Variants in DROSHA observed in about 807,000 individuals in gnomAD.
The protein encoded by DROSHA is ribonuclease 3.
A neutral mutation model predicts 181.9 loss-of-function variants in DROSHA; 56 were observed. The observed-to-expected ratio is 0.31, with a 90% confidence interval of 0.25 to 0.38. DROSHA has a LOEUF of 0.38. DROSHA is among the 10% of genes least tolerant of loss of function. DROSHA has a pLI of 1.00. For synonymous variants in DROSHA, 524 were observed against 591.2 expected (o/e 0.89, Z 1.65); for missense variants, 1,218 against 1,743.5 (o/e 0.70, Z 5.37).
chr5:31,498,812 A>G (rs1217605531), intron 11 of DROSHA, among the ~76,000 whole-genome samples: 1 of 151,934 alleles, frequency 6.6e-6, no homozygotes, highest in Admixed American at 6.6e-5. Context: ...AGCCGAAATC[A>G]CACCATTTCA....
chr5:31,454,194 C>G (rs1214210253), intron 20 of DROSHA, among the ~76,000 whole-genome samples: 1 of 152,184 alleles, frequency 6.6e-6, no homozygotes, highest in Non-Finnish European at 1.5e-5. Flanking sequence ...TCTGCCGAAT[C>G]TAATTCACTG....
At position 31,526,418 on chromosome 5, in the gene DROSHA, T is replaced by C. The variant is rs1740575185; in HGVS notation, c.515A>G (p.Tyr172Cys). 6.2e-7 allele frequency: 1 copy of C among 1,610,976 alleles called. No homozygotes were observed. The highest frequency in any genetic ancestry group is 8.5e-7 in the Non-Finnish European group (1 of 1,179,582). ...GGGAGGTGGGAAGTTGTGGTGAGAA[T>C]AGCCCGGAGGGTACTGATAATTAAC... ...QQVNYQYPPG[Y>C]SHHNFPPPSF... The change falls in exon 5 of 36, where the codon TAT becomes TGT. Residue 172 changes from tyrosine (Y) to cysteine (C), a missense_variant. Tyr to Cys is a radical substitution (Grantham distance 194, BLOSUM62 -2). Around this residue, in one of 8 missense-constraint regions of DROSHA, gnomAD observed 536 missense variants for 535.4 expected, o/e 1.00. Coordinates refer to ENST00000344624, the MANE Select transcript of DROSHA (RefSeq NM_001382508.1).
intron 15 of DROSHA, among the ~76,000 whole-genome samples, 168 bp from the exon 16 acceptor site, chr5:31,483,796 A>G (rs921095405): frequency 1.9e-4 from 29 of 152,180 alleles, no homozygotes; most frequent in African/African-American, 6.5e-4. Context: ...GGCTAAATCA[A>G]TCATTGGTAA....
chr5:31,510,367 G>T (rs1441613736), intron 9 of DROSHA, among the ~76,000 whole-genome samples: 2 of 152,194 alleles, frequency 1.3e-5, no homozygotes, highest in Non-Finnish European at 2.9e-5. Context: ...AGGTGTCTTT[G>T]CCCAGTATGG....
chr5:31,514,494 A>G lies in DROSHA; in HGVS notation c.1290+494T>C, dbSNP rs1044644277. On this transcript the variant is annotated intron_variant, in intron 8 of 35. Transcript: ENST00000344624. This position sits in a 1 kb window ranked among gnomAD's most constrained non-coding sequence, Gnocchi z 4.4. Reference sequence around the variant, plus strand: ...CATCTCTACTAAAAAATAAAAAAAAATTAGCCAGTCATGGTGGCACGTGCC... The same window carrying G: ...CATCTCTACTAAAAAATAAAAAAAAGTTAGCCAGTCATGGTGGCACGTGCC... Among the ~76,000 whole-genome samples, 1 of 152,014 alleles carries G rather than the reference A, an allele frequency of 6.6e-6. No individual in the cohort carries two copies. The highest frequency in any genetic ancestry group is 1.5e-5 in the Non-Finnish European group (1 of 67,998).
chr5:31,468,034 C>G lies in DROSHA; in HGVS notation c.2271G>C (p.Leu757=). 1.2e-6 allele frequency: 2 copies of G among 1,611,386 alleles called. No homozygotes were observed. The highest frequency in any genetic ancestry group is 1.7e-6 in the Non-Finnish European group (2 of 1,178,702). ...TKPSSVRIDQ[L]DREQFNPDVI... is the part of the protein sequence containing the mutation. ...CATCGGGGTTGAACTGTTCACGATC[C>G]AGTTGATCGATACGGACAGAGCTTG... Residue 757 remains leucine, a synonymous_variant, in exon 18 of 36, where the codon CTG becomes CTC. Coordinates refer to ENST00000344624, the MANE Select transcript of DROSHA (RefSeq NM_001382508.1).
chr5:31,419,728 G>A (rs1416722683), intron 30 of DROSHA, among the ~76,000 whole-genome samples: 9 of 152,106 alleles, frequency 5.9e-5, no homozygotes, highest in Non-Finnish European at 1.3e-4. Flanking sequence ...CCTCTATAGG[G>A]CCCTAAGATG....
intron 11 of DROSHA, among the ~76,000 whole-genome samples, chr5:31,498,077 G>C (rs1041590713): frequency 1.4e-4 from 21 of 152,140 alleles, no homozygotes; most frequent in Non-Finnish European, 2.5e-4. Context: ...TCTTGTAAGG[G>C]GAAACTTTGT....
chr5:31,517,220 C>T (rs1739361618), intron 6 of DROSHA, among the ~76,000 whole-genome samples: 1 of 152,138 alleles, frequency 6.6e-6, no homozygotes, highest in Non-Finnish European at 1.5e-5. Flanking sequence ...TTGGTTGAAA[C>T]AGTTTTCATT....
At chr5:31,406,273 T>C (rs1740640870) in intron 34 of DROSHA, among the ~76,000 whole-genome samples, 1 of 152,010 alleles carries the variant, frequency 6.6e-6, no homozygotes, top group Admixed American at 6.5e-5. Context: ...TTTGGGAGGC[T>C]GAGGGGGGGT....
At chr5:31,482,011 G>A (rs189403511) in intron 16 of DROSHA, among the ~76,000 whole-genome samples, 5 of 152,326 alleles carry the variant, frequency 3.3e-5, no homozygotes, top group East Asian at 1.9e-4. Flanking sequence ...GCCAGACTCC[G>A]ACAGGCTCAC....
chr5:31,424,434 G>A lies in DROSHA; in HGVS notation c.3254C>T (p.Pro1085Leu). The A allele has an allele frequency of 6.3e-7, 1 of 1,598,530 alleles. No individual in the cohort carries two copies. Among genetic ancestry groups the A allele is most frequent in the Non-Finnish European group, 8.5e-7 (1 of 1,172,566 alleles). Reference protein sequence around the residue: ...REVWLNYPLHPLQLQEPNTDR... With the variant: ...REVWLNYPLHLLQLQEPNTDR... Reference sequence around the variant, plus strand: ...CAGGGAGGTCATACTTACTTGGAGTGGGTGGAGAGGATAATTGAGCCAGAC... The same window carrying A: ...CAGGGAGGTCATACTTACTTGGAGTAGGTGGAGAGGATAATTGAGCCAGAC... Residue 1085 changes from proline (P) to leucine (L), a missense_variant, in exon 28 of 36, where the codon CCA (proline) becomes CTA (leucine). Coordinates refer to ENST00000344624, the MANE Select transcript of DROSHA (RefSeq NM_001382508.1).
At chr5:31,467,916 A>G in intron 18 of DROSHA, 23 bp downstream of exon 18, 1 of 1,608,668 alleles carries the variant, frequency 6.2e-7, no homozygotes, top group Non-Finnish European at 8.5e-7. Context: ...ATTGGCTAAG[A>G]CAAACACTGA....
At chr5:31,501,700 A>G (rs1265461918) in intron 11 of DROSHA, among the ~76,000 whole-genome samples, 4 of 152,212 alleles carry the variant, frequency 2.6e-5, no homozygotes, top group Non-Finnish European at 5.9e-5. Flanking sequence ...TAGCTAGAGC[A>G]GATATAAAGT....
intron 20 of DROSHA, among the ~76,000 whole-genome samples, chr5:31,457,915 T>C (rs1201620326): frequency 6.6e-6 from 1 of 152,146 alleles, no homozygotes; most frequent in Admixed American, 6.5e-5. Context: ...AGTCAGTCAA[T>C]GGAACTCTTA....
chr5:31,446,614 A>T (rs1014020005), intron 23 of DROSHA, among the ~76,000 whole-genome samples: 3 of 151,672 alleles, frequency 2.0e-5, no homozygotes, highest in Non-Finnish European at 4.4e-5. Context: ...AAGTTTATGA[A>T]TCAGAAAACT....
At chr5:31,462,904 C>A (rs749207234) in intron 20 of DROSHA, among the ~76,000 whole-genome samples, 1 of 152,078 alleles carries the variant, frequency 6.6e-6, no homozygotes, top group Non-Finnish European at 1.5e-5. Flanking sequence ...CTGGAAGGCG[C>A]CTTCTAGTTC....
intron 35 of DROSHA, among the ~76,000 whole-genome samples, chr5:31,405,434 G>C (rs1382250000): frequency 6.6e-6 from 1 of 150,698 alleles, no homozygotes; most frequent in African/African-American, 2.4e-5. Context: ...CCCGCGCTGA[G>C]ATTAGGACTC....
intron 30 of DROSHA, among the ~76,000 whole-genome samples, chr5:31,418,742 G>T (rs974582166): frequency 6.6e-6 from 1 of 152,134 alleles, no homozygotes; most frequent in Admixed American, 6.5e-5. Flanking sequence ...ACAGAAAAGG[G>T]AGATAGAGAG....
Sources: allele counts gnomAD v4.1 joint callset (sites outside exome capture counted in the v4.1 genomes callset), GRCh38; gene constraint gnomAD v4.1.1; regional missense constraint gnomAD v4.1.1; non-coding constraint Gnocchi (gnomAD v3.1); transcripts MANE v1.5; gene names NCBI Gene and HGNC (gene_info 2026-07-23, HGNC 2026-07-21).